Variants in SNAP29 observed in about 807,000 individuals in gnomAD.
The protein encoded by SNAP29 is synaptosome associated protein 29.
SNAP29 carries 13 observed loss-of-function variants against 27.9 expected under a neutral mutation model. That is an observed-to-expected ratio of 0.47 (90% CI 0.30 to 0.74). The LOEUF (loss-of-function observed/expected upper bound fraction) is 0.74. Among genes scored for constraint, SNAP29 ranks in the 30% least tolerant of loss-of-function variants. SNAP29 has a pLI of 0.06. For synonymous variants in SNAP29, 119 were observed against 127.1 expected, an observed-to-expected ratio of 0.94 and a Z score of 0.43; for missense variants, 368 against 336.5, an observed-to-expected ratio of 1.09 and a Z score of -0.73.
At chr22:20,867,570 T>A (rs1484145226) in intron 1 of SNAP29, among the ~76,000 whole-genome samples, 3 of 152,090 alleles carry the variant, frequency 2.0e-5, no homozygotes, top group African/African-American at 7.2e-5. Flanking sequence ...AAGAAACAAC[T>A]CCTCCCTTGC....
At chr22:20,863,374 G>T (rs570256686) in intron 1 of SNAP29, among the ~76,000 whole-genome samples, 1 of 152,280 alleles carries the variant, frequency 6.6e-6, no homozygotes, top group African/African-American at 2.4e-5. Flanking sequence ...TCAAAGATGA[G>T]GACTTTACAA....
Position 20,868,448 on chromosome 22 carries a change from GT to G in SNAP29, c.238-1884del, listed in dbSNP as rs1238198593. Among the ~76,000 whole-genome samples the G allele has an allele frequency of 2.0e-5, 3 of 152,136 alleles. No homozygotes were observed. In the East Asian group the frequency reaches 5.8e-4, roughly 29 times the overall value. ...TTTTAGCTTTTTGCCTATACATTATGTTTTTAAATTTCACCCATTAAACAAG... is the reference window on the plus strand; with the variant it reads ...TTTTAGCTTTTTGCCTATACATTATGTTTTAAATTTCACCCATTAAACAAG... On this transcript the variant is annotated intron_variant, in intron 1 of 4. Transcript: ENST00000215730.
At chr22:20,881,732 C>G (rs2147871487) in intron 3 of SNAP29, among the ~76,000 whole-genome samples, 1 of 152,248 alleles carries the variant, frequency 6.6e-6, no homozygotes, top group East Asian at 1.9e-4. Context: ...GCGTGCCCAT[C>G]ATTGGTTCCT....
At chr22:20,883,619 G>A (rs1601654928) in intron 4 of SNAP29, 50 bp downstream of exon 4, 1 of 1,227,420 alleles carries the variant, frequency 8.1e-7, no homozygotes, top group Non-Finnish European at 1.2e-6. Context: ...CCTTCAGGCA[G>A]CTTACGCCAA....
At chr22:20,873,824 C>T (rs1275693113) in intron 2 of SNAP29, among the ~76,000 whole-genome samples, 1 of 151,294 alleles carries the variant, frequency 6.6e-6, no homozygotes, top group African/African-American at 2.4e-5. Flanking sequence ...AAAAATCAGC[C>T]AGGCATGGTG....
At position 20,872,602 on chromosome 22, in the gene SNAP29, G is replaced by A. The variant is rs190760447; in HGVS notation, c.434+2069G>A. On this transcript the variant is annotated intron_variant, in intron 2 of 4. Coordinates refer to ENST00000215730, the MANE Select transcript of SNAP29 (RefSeq NM_004782.4). Reference sequence around the variant, plus strand: ...TTTTTAGTAGAGACGGGGTTTCACCGTGTTAGCCAGGATGGTCTCGACCTC... The same window carrying A: ...TTTTTAGTAGAGACGGGGTTTCACCATGTTAGCCAGGATGGTCTCGACCTC... Among the ~76,000 whole-genome samples the A allele has an allele frequency of 2.3e-3, 348 of 151,922 alleles. 3 individuals are homozygous for A. The East Asian group carries it at 0.031, about 14-fold the overall frequency.
chr22:20,884,916 C>T (rs909787006), intron 4 of SNAP29, among the ~76,000 whole-genome samples: 1 of 152,102 alleles, frequency 6.6e-6, no homozygotes, highest in Non-Finnish European at 1.5e-5. Context: ...GCTGGAATTA[C>T]AGACATGCAC....
intron 1 of SNAP29, among the ~76,000 whole-genome samples, chr22:20,863,562 G>A (rs551370769): frequency 6.6e-6 from 1 of 152,322 alleles, no homozygotes; most frequent in South Asian, 2.1e-4. Flanking sequence ...AGAAGTAGTG[G>A]GAGCAGGGCG....
In SNAP29 at chr22:20,890,250, C is replaced by G. The variant is rs901410064; in HGVS notation, c.*2414C>G. 2 of 398,402 alleles carry G rather than the reference C, an allele frequency of 5.0e-6. No individual in the cohort carries two copies. The highest frequency in any genetic ancestry group is 8.8e-5 in the Admixed American group (2 of 22,666). The allele number at this position is 398,402 out of a possible 1,614,324, so 24.7% of individuals were successfully genotyped here. A position where few individuals can be genotyped will look rare whatever the true frequency, so the allele number is the denominator to read the frequency against. On this transcript the variant is annotated 3_prime_UTR_variant, in exon 5 of 5. Transcript: ENST00000215730. ...GTAACATGGCTCCAGAAACTTTTCA[C>G]ATGATGATTGGGATCGACAAAAAAA...
At chr22:20,885,628 ATTC>A in intron 4 of SNAP29, among the ~76,000 whole-genome samples, 1 of 152,334 alleles carries the variant, frequency 6.6e-6, no homozygotes, top group Admixed American at 6.5e-5. Context: ...AGGATACTGC[ATTC>A]AGAGGCAGGA....
At chr22:20,874,034 G>T (rs1928661629) in intron 2 of SNAP29, among the ~76,000 whole-genome samples, 1 of 150,442 alleles carries the variant, frequency 6.6e-6, no homozygotes, top group African/African-American at 2.4e-5. Context: ...CCAGCACTTT[G>T]GGAGGCCAAG....
At chr22:20,877,691 G>A (rs767508815) in intron 2 of SNAP29, among the ~76,000 whole-genome samples, 3 of 152,170 alleles carry the variant, frequency 2.0e-5, no homozygotes, top group Non-Finnish European at 4.4e-5. Flanking sequence ...ACTCCAGCCT[G>A]GGAGACAGAG....
rs983922247 is a variant in SNAP29 at position 20,859,052 on chromosome 22, A to C, written c.-59A>C. 4.1e-6 allele frequency: 6 copies of C among 1,455,930 alleles called. No homozygotes were observed. Among genetic ancestry groups the C allele is most frequent in the Non-Finnish European group, 5.7e-6 (6 of 1,052,610 alleles). 90.2% of individuals were successfully genotyped at this position (1,455,930 alleles called of 1,614,324 possible). A position where few individuals can be genotyped will look rare whatever the true frequency, so the allele number is the denominator to read the frequency against. On this transcript the variant is annotated 5_prime_UTR_variant, in exon 1 of 5. Coordinates refer to ENST00000215730, the MANE Select transcript of SNAP29 (RefSeq NM_004782.4). ...GTCGGCGGGCGGGGCGAGGCCCTGG[A>C]CGGCGGCGGCAGTGGGGCTCCTCCT...
intron 4 of SNAP29, 39 bp from the exon 5 acceptor site, chr22:20,887,640 T>C: frequency 5.6e-6 from 9 of 1,613,576 alleles, no homozygotes; most frequent in South Asian, 1.1e-5. Flanking sequence ...GTGCCGTGAC[T>C]GTTTGCTCAT....
rs1569113838 is a variant in SNAP29 at position 20,860,838 on chromosome 22, AGGAGTTTGAGACCAGCAGGGGTAACTGCG to A, written c.237+1492_237+1520del. 8.0e-3 allele frequency among the ~76,000 whole-genome samples: 1,222 copies of A among 152,314 alleles called. 17 individuals are homozygous for A. Among genetic ancestry groups the A allele is most frequent in the African/African-American group, 0.028 (1,166 of 41,556 alleles). ...TGAGGTAGGCAGATCATTTTAGCCC[AGGAGTTTGAGACCAGCAGGGGTAACTGCG>A]TCTCTACAAAATTTGAAAAATTAGC... On this transcript the variant is annotated intron_variant, in intron 1 of 4. Transcript: ENST00000215730.
At position 20,859,942 on chromosome 22, in the gene SNAP29, T is replaced by C. The variant is rs1288700553; in HGVS notation, c.237+595T>C. On this transcript the variant is annotated intron_variant, in intron 1 of 4. Transcript: ENST00000215730. ...AGCCTGGGTTTGATTGAGTCCAGGG[T>C]CTTACCTTTACTTCCCAAATCCTAG... is the stretch of plus-strand genomic sequence containing the variant. Among the ~76,000 whole-genome samples the C allele has an allele frequency of 2.6e-5, 4 of 152,098 alleles. No homozygotes were observed. The East Asian group carries it at 7.7e-4, about 29-fold the overall frequency.
intron 4 of SNAP29, 23 bp downstream of exon 4, chr22:20,883,592 C>T: frequency 6.8e-7 from 1 of 1,473,518 alleles, no homozygotes; most frequent in East Asian, 2.3e-5. Context: ...ACCACACCAG[C>T]TTCTGTAAGC....
intron 1 of SNAP29, among the ~76,000 whole-genome samples, chr22:20,865,083 G>A (rs1928425154): frequency 6.6e-6 from 1 of 152,098 alleles, no homozygotes; most frequent in Admixed American, 6.6e-5. Context: ...GGCCAGGTGT[G>A]GTGGCTCACA....
Position 20,859,362 on chromosome 22 carries a change from G to A in SNAP29, c.237+15G>A, listed in dbSNP as rs1928159530. 1 of 1,547,498 alleles carries A rather than the reference G, an allele frequency of 6.5e-7. No individual in the cohort carries two copies. Among genetic ancestry groups the A allele is most frequent in the African/African-American group, 1.4e-5 (1 of 73,784 alleles). On this transcript the variant is annotated intron_variant, in intron 1 of 4. Coordinates refer to ENST00000215730, the MANE Select transcript of SNAP29 (RefSeq NM_004782.4). ...CCTCTTCCGAGGTGAGCCTGGGGCA[G>A]GGCTGGTGTGGACTCGCCGGTCTCT... is the stretch of plus-strand genomic sequence containing the variant.
Sources: gnomAD v4.1 joint callset for allele counts (sites outside exome capture counted in the v4.1 genomes callset) on GRCh38, gnomAD v4.1.1 for gene constraint, MANE v1.5 for transcripts, NCBI Gene and HGNC (gene_info 2026-07-23, HGNC 2026-07-21) for gene names.